The following FAM20C variants were observed in gnomAD, a reference collection of about 807,000 sequenced individuals.
FAM20C encodes FAM20C golgi associated secretory pathway kinase.
In FAM20C, 40 loss-of-function variants were observed where a neutral mutation model predicts 51.5. The observed-to-expected ratio is 0.78, with a 90% CI of 0.60 to 1.01. The LOEUF is 1.01. FAM20C is among the 50% of genes least tolerant of loss of function. The pLI is 0.00. For synonymous variants in FAM20C, 406 were observed against 380.6 expected (o/e 1.07, Z -0.78); for missense variants, 861 against 844.7 (o/e 1.02, Z -0.24).
Position 215,233 on chromosome 7 carries a change from G to C in FAM20C, c.863+6257G>C, listed in dbSNP as rs956308905. Among the ~76,000 whole-genome samples, 163 of 126,440 alleles carry C rather than the reference G, an allele frequency of 1.3e-3. 6 individuals carry two copies. The highest frequency in any genetic ancestry group is 3.8e-3 in the African/African-American group (134 of 35,604). 82.9% of individuals were successfully genotyped at this position (126,440 alleles called of 152,430 possible). A position where few individuals can be genotyped will look rare whatever the true frequency, so the allele number is the denominator to read the frequency against. On this transcript the variant is annotated intron_variant, in intron 3 of 9. Transcript: ENST00000313766. ...CAGAGTTTAGAGGCTCCAGCTGGGG[G>C]GGGGAGCAGGGCCCCTGGTGTATGG... is the stretch of plus-strand genomic sequence containing the variant.
chr7:227,478 T>G (rs1383757402), intron 3 of FAM20C: 1 of 152,134 alleles, frequency 6.6e-6, no homozygotes, highest in Non-Finnish European at 1.5e-5. Flanking sequence ...GATGTTTTTT[T>G]TAAACATCTA....
At chr7:237,171 A>C (rs1787873961) in intron 3 of FAM20C, among the ~76,000 whole-genome samples, 1 of 152,204 alleles carries the variant, frequency 6.6e-6, no homozygotes, top group African/African-American at 2.4e-5. Flanking sequence ...AGCCCCAGGT[A>C]TGAAATGCAG....
intron 5 of FAM20C, among the ~76,000 whole-genome samples, chr7:251,171 GCCT>G (rs1788383148): frequency 6.7e-6 from 1 of 149,194 alleles, no homozygotes; most frequent in Non-Finnish European, 1.5e-5. Flanking sequence ...GGCGGCTCAC[GCCT>G]GCACTGAGTG....
At chr7:217,649 T>C (rs28550318) in intron 3 of FAM20C, among the ~76,000 whole-genome samples, 74,304 of 152,028 alleles carry the variant, frequency 0.49, 18,536 homozygotes, top group South Asian at 0.61. Context: ...CGCACCCATG[T>C]CTAGGGCCAG....
At position 232,791 on chromosome 7, in the gene FAM20C, G is replaced by A. The variant is rs942596590; in HGVS notation, c.864-13624G>A. On this transcript the variant is annotated intron_variant, in intron 3 of 9. Coordinates refer to ENST00000313766, the MANE Select transcript of FAM20C (RefSeq NM_020223.4). ...CCTCGGCCGTGCCGGGATCGTGTGC[G>A]TTGCAGGACGGGGCACCCGGCGTGG... is the stretch of plus-strand genomic sequence containing the variant. Among the ~76,000 whole-genome samples the A allele has an allele frequency of 5.7e-3, 872 of 152,344 alleles. 7 individuals carry two copies. The highest frequency in any genetic ancestry group is 0.01 in the Middle Eastern group (3 of 294).
chr7:255,777 G>T lies in FAM20C; in HGVS notation c.1073-72G>T, dbSNP rs1475216459. 33 of 1,496,106 alleles carry T rather than the reference G, an allele frequency of 2.2e-5. No homozygotes were observed. The East Asian group carries it at 8.1e-4, about 37-fold the overall frequency. 92.7% of individuals were successfully genotyped at this position (1,496,106 alleles called of 1,614,324 possible). On this transcript the variant is annotated intron_variant, in intron 5 of 9. Transcript: ENST00000313766. ...ACCAGGCAGAGCCCGGCCCGGCCTT[G>T]GGGGCCGTGAGACCACAGGTGAGGA...
rs1046175939 is a variant in FAM20C, at chr7:247,744, A to G, written c.957-571A>G. On this transcript the variant is annotated intron_variant, in intron 4 of 9. Transcript: ENST00000313766. ...GGTCCACCTGTTTATAAAACAGGAC[A>G]CAGAGCCCAGCACCCAGGCGAGCCG... Among the ~76,000 whole-genome samples the G allele has an allele frequency of 3.2e-4, 49 of 152,162 alleles. 1 individual carries two copies. The highest frequency in any genetic ancestry group is 1.5e-5 in the Non-Finnish European group (1 of 68,022).
intron 2 of FAM20C, among the ~76,000 whole-genome samples, chr7:206,218 G>C (rs1786371030): frequency 6.6e-6 from 1 of 152,112 alleles, no homozygotes; most frequent in African/African-American, 2.4e-5. Context: ...ATATTTCTTG[G>C]ATTTTTCCAT....
chr7:210,030 C>T (rs1258814116), intron 3 of FAM20C, among the ~76,000 whole-genome samples: 1 of 152,116 alleles, frequency 6.6e-6, no homozygotes, highest in Non-Finnish European at 1.5e-5. Context: ...GTGGATGAGT[C>T]ACAGCCCCGT....
chr7:200,191 C>T (rs1374906923), intron 2 of FAM20C, among the ~76,000 whole-genome samples: 3 of 152,238 alleles, frequency 2.0e-5, no homozygotes, highest in Admixed American at 6.5e-5. Context: ...TGGAAGGCAG[C>T]GCCAGCTCCA....
At chr7:244,730 A>G (rs540373784) in intron 3 of FAM20C, among the ~76,000 whole-genome samples, 11 of 152,310 alleles carry the variant, frequency 7.2e-5, no homozygotes, top group African/African-American at 2.6e-4. Context: ...CACCATCCGC[A>G]TTTTATTTTT....
chr7:236,341 C>A (rs1787847832), intron 3 of FAM20C, among the ~76,000 whole-genome samples: 1 of 152,372 alleles, frequency 6.6e-6, no homozygotes, highest in African/African-American at 2.4e-5. Context: ...CTGTCCAGCA[C>A]TGCTGGCTTC....
At chr7:212,991 G>A (rs374524895) in intron 3 of FAM20C, among the ~76,000 whole-genome samples, 6 of 152,092 alleles carry the variant, frequency 3.9e-5, no homozygotes, top group African/African-American at 1.5e-4. Context: ...CCCCCGTCAA[G>A]CACTAGCCTA....
intron 3 of FAM20C, among the ~76,000 whole-genome samples, chr7:220,468 G>C (rs547660192): frequency 6.6e-6 from 1 of 152,220 alleles, no homozygotes; most frequent in Non-Finnish European, 1.5e-5. Context: ...GGGGTGATGC[G>C]TGGAGGGACT....
chr7:195,506 C>T (rs535673943), intron 1 of FAM20C, 48 bp from the exon 2 acceptor site: 109 of 1,404,836 alleles, frequency 7.8e-5, no homozygotes, highest in Middle Eastern at 1.9e-4. Context: ...ATCCGACTCA[C>T]GGGCCTGTTC....
chr7:241,369 G>C lies in FAM20C; in HGVS notation c.864-5046G>C, dbSNP rs930191534. ...TTGTGCAGGTGACTCAAGTCAGCAA[G>C]TCGTTCGTCTTCTGCGTGAGCTTTG... On this transcript the variant is annotated intron_variant, in intron 3 of 9. Coordinates refer to ENST00000313766, the MANE Select transcript of FAM20C (RefSeq NM_020223.4). Among the ~76,000 whole-genome samples, 84 of 152,332 alleles carry C rather than the reference G, an allele frequency of 5.5e-4. 1 individual carries two copies. In the South Asian group the frequency reaches 0.016, roughly 30 times the overall value.
chr7:241,372 G>A (rs1787941258), intron 3 of FAM20C, among the ~76,000 whole-genome samples: 1 of 152,164 alleles, frequency 6.6e-6, no homozygotes, highest in East Asian at 1.9e-4. Context: ...TCAGCAAGTC[G>A]TTCGTCTTCT....
At chr7:229,938 A>T (rs1787593414) in intron 3 of FAM20C, among the ~76,000 whole-genome samples, 1 of 151,932 alleles carries the variant, frequency 6.6e-6, no homozygotes. Context: ...GGCCTCCCTG[A>T]GTTTGGCCCT....
intron 3 of FAM20C, among the ~76,000 whole-genome samples, chr7:234,283 A>G (rs1787785923): frequency 2.0e-5 from 3 of 152,224 alleles, no homozygotes. Context: ...CTCTTTCCTC[A>G]GCTGGGCTTT....
Sources: gnomAD v4.1 joint callset for allele counts (sites outside exome capture counted in the v4.1 genomes callset) on GRCh38, gnomAD v4.1.1 for gene constraint, MANE v1.5 for transcripts, NCBI Gene and HGNC (gene_info 2026-07-23, HGNC 2026-07-21) for gene names.